PLPP1: variants seen among roughly 807,000 people sequenced by gnomAD.
The protein encoded by PLPP1 is phospholipid phosphatase 1.
PLPP1 carries 24 observed loss-of-function variants against 31.2 expected under a neutral mutation model. The ratio of observed to expected loss-of-function variants is 0.77; its 90% confidence interval spans 0.56 to 1.08. The LOEUF (loss-of-function observed/expected upper bound fraction) is 1.08. Ranked by LOEUF, PLPP1 falls within the 50% of genes least tolerant of loss-of-function variation. The pLI is 0.00. For missense variants in PLPP1, 319 were observed against 342.7 expected, an observed-to-expected ratio of 0.93 and a Z score of 0.55; for synonymous variants, 146 against 126.3, an observed-to-expected ratio of 1.16 and a Z score of -1.05.
intron 4 of PLPP1, among the ~76,000 whole-genome samples, chr5:55,431,655 A>G (rs184667481): frequency 1.5e-3 from 226 of 152,338 alleles, no homozygotes; most frequent in African/African-American, 5.2e-3. Flanking sequence ...GCCCACATCA[A>G]AAATCTAGAA....
chr5:55,496,822 T>C (rs755716717), intron 1 of PLPP1, among the ~76,000 whole-genome samples: 75 of 152,226 alleles, frequency 4.9e-4, no homozygotes, highest in Non-Finnish European at 9.6e-4. Context: ...TCAGTGATAA[T>C]TGAAACCTCT....
chr5:55,509,225 C>T (rs1449706621), intron 1 of PLPP1, among the ~76,000 whole-genome samples: 1 of 152,190 alleles, frequency 6.6e-6, no homozygotes, highest in Non-Finnish European at 1.5e-5. Flanking sequence ...AGCAAGAAAG[C>T]TGTGCTTCAG....
At chr5:55,481,036 T>A (rs1042541274) in intron 1 of PLPP1, among the ~76,000 whole-genome samples, 1 of 152,218 alleles carries the variant, frequency 6.6e-6, no homozygotes, top group Non-Finnish European at 1.5e-5. Context: ...AGACAGAGTA[T>A]GTGATATGGT....
chr5:55,478,102 C>A lies in PLPP1; in HGVS notation c.59-2652G>T, dbSNP rs540002827. ...ACATATAGGCCCTAATACACATGCC[C>A]AAATGTATTTAGAAATGCTATTAAC... On this transcript the variant is annotated intron_variant, in intron 1 of 5. Transcript: ENST00000307259. Among the ~76,000 whole-genome samples the A allele has an allele frequency of 1.5e-3, 235 of 152,140 alleles. 1 individual carries two copies. The highest frequency in any genetic ancestry group is 2.8e-3 in the Non-Finnish European group (191 of 67,988).
intron 1 of PLPP1, among the ~76,000 whole-genome samples, chr5:55,497,453 AT>A (rs1412200375): frequency 2.1e-5 from 3 of 140,530 alleles, no homozygotes; most frequent in Non-Finnish European, 4.6e-5. Context: ...GAGTCTCACT[AT>A]GTTTCCTAGG....
intron 4 of PLPP1, among the ~76,000 whole-genome samples, chr5:55,431,896 A>G (rs1751359750): frequency 6.6e-6 from 1 of 152,212 alleles, no homozygotes; most frequent in African/African-American, 2.4e-5. Context: ...ATTACAACTG[A>G]TAACACAGAA....
Position 55,534,482 on chromosome 5 carries a change from C to G in PLPP1, c.58+90G>C, listed in dbSNP as rs536030341. 586 of 1,333,384 alleles carry G rather than the reference C, an allele frequency of 4.4e-4. 1 individual carries two copies. The highest frequency in any genetic ancestry group is 5.1e-4 in the Middle Eastern group (2 of 3,894). 82.6% of individuals were successfully genotyped at this position (1,333,384 alleles called of 1,614,324 possible). A position where few individuals can be genotyped will look rare whatever the true frequency, so the allele number is the denominator to read the frequency against. On this transcript the variant is annotated intron_variant, in intron 1 of 5. Coordinates refer to ENST00000307259, the MANE Select transcript of PLPP1 (RefSeq NM_003711.4). ...GCCCCACAGCTGCGCACGCGTCAGG[C>G]AACACACCCCCGCTGCCCGTCGCGG...
At chr5:55,472,757 GGAAGAAGAAGAGGAAGAGGAAGAA>G (rs1343032845) in intron 2 of PLPP1, among the ~76,000 whole-genome samples, 16 of 6,466 alleles carry the variant, frequency 2.5e-3, no homozygotes, top group Middle Eastern at 0.083. Flanking sequence ...AAGAGGAAGA[GGAAGAAGAAGAGGAAGAGGAAGAA>G]GAAGAAGAAG....
intron 1 of PLPP1, among the ~76,000 whole-genome samples, chr5:55,504,630 C>T (rs1293318728): frequency 6.7e-6 from 1 of 150,374 alleles, no homozygotes; most frequent in Non-Finnish European, 1.5e-5. Flanking sequence ...CATATACATA[C>T]ACATACACAC....
chr5:55,504,650 T>C (rs1257778340), intron 1 of PLPP1, among the ~76,000 whole-genome samples: 1 of 151,586 alleles, frequency 6.6e-6, no homozygotes, highest in African/African-American at 2.4e-5. Flanking sequence ...CTAAAGGTCA[T>C]CTAAGGACAC....
At chr5:55,466,504 AC>A (rs1406607161) in intron 3 of PLPP1, among the ~76,000 whole-genome samples, 1 of 152,076 alleles carries the variant, frequency 6.6e-6, no homozygotes, top group Non-Finnish European at 1.5e-5. Context: ...GGAGTTTGAG[AC>A]CAGCCTGGAA....
At chr5:55,521,292 C>T (rs539384029) in intron 1 of PLPP1, among the ~76,000 whole-genome samples, 4 of 151,322 alleles carry the variant, frequency 2.6e-5, no homozygotes, top group Non-Finnish European at 5.9e-5. Context: ...GGCAGAGCTG[C>T]AGTGAGCCGA....
At chr5:55,521,641 C>T (rs1315990743) in intron 1 of PLPP1, among the ~76,000 whole-genome samples, 1 of 152,192 alleles carries the variant, frequency 6.6e-6, no homozygotes, top group African/African-American at 2.4e-5. Context: ...AATCTCAGTG[C>T]TAACAGGCAC....
Position 55,457,748 on chromosome 5 carries a change from A to G in PLPP1, c.491+10121T>C, listed in dbSNP as rs546021222. Among the ~76,000 whole-genome samples, 268 of 152,040 alleles carry G rather than the reference A, an allele frequency of 1.8e-3. 1 individual carries two copies. Among genetic ancestry groups the G allele is most frequent in the African/African-American group, 5.5e-3 (229 of 41,482 alleles). On this transcript the variant is annotated intron_variant, in intron 3 of 5. Coordinates refer to ENST00000307259, the MANE Select transcript of PLPP1 (RefSeq NM_003711.4). ...TACTAAAAATACACAAATTAGCTGG[A>G]CGTGGTGGCGGGCGCCTGTAGTCCC...
At chr5:55,461,611 T>C (rs1428685) in intron 3 of PLPP1, among the ~76,000 whole-genome samples, 133,756 of 151,018 alleles carry the variant, frequency 0.89, 59,381 homozygotes, top group Admixed American at 0.92. Flanking sequence ...AAAAAAACCA[T>C]GCACAGTTGA....
intron 1 of PLPP1, among the ~76,000 whole-genome samples, chr5:55,477,608 G>C (rs1752581987): frequency 1.3e-5 from 2 of 151,796 alleles, no homozygotes; most frequent in Admixed American, 6.6e-5. Flanking sequence ...GGCCAGGCTG[G>C]TCTCAAACTC....
chr5:55,452,087 T>A (rs1385840146), intron 3 of PLPP1, among the ~76,000 whole-genome samples: 5 of 152,154 alleles, frequency 3.3e-5, no homozygotes, highest in African/African-American at 1.2e-4. Context: ...AACACACTCT[T>A]CCTAAGCCCC....
At chr5:55,450,247 A>G (rs1751863708) in intron 3 of PLPP1, among the ~76,000 whole-genome samples, 1 of 152,192 alleles carries the variant, frequency 6.6e-6, no homozygotes, top group African/African-American at 2.4e-5. Context: ...ACATCTGTGA[A>G]TCACATGCCG....
Position 55,425,233 on chromosome 5 carries a change from A to G in PLPP1, c.828T>C (p.Asn276=). 6.2e-7 allele frequency: 1 copy of G among 1,613,944 alleles called. No individual in the cohort carries two copies. Among genetic ancestry groups the G allele is most frequent in the Non-Finnish European group, 8.5e-7 (1 of 1,179,964 alleles). ...TTLHETPTTG[N]HYPSNHQP ...AAGGCTGGTGATTGCTCGGATAGTG[A>G]TTCCCAGTTGTTGGTGTTTCATGCA... Residue 276 remains asparagine (N), a synonymous_variant, in exon 6 of 6, where the codon AAT becomes AAC. Coordinates refer to ENST00000307259, the MANE Select transcript of PLPP1 (RefSeq NM_003711.4).
Sources: allele counts gnomAD v4.1 joint callset (sites outside exome capture counted in the v4.1 genomes callset), GRCh38; gene constraint gnomAD v4.1.1; transcripts MANE v1.5; gene names NCBI Gene and HGNC (gene_info 2026-07-23, HGNC 2026-07-21).